Variants in IL3RA observed in about 807,000 individuals in gnomAD.
The protein encoded by IL3RA is interleukin-3 receptor subunit alpha.
IL3RA carries 73 observed loss-of-function variants against 52.3 expected under a neutral mutation model. The observed-to-expected ratio is 1.40, with a 90% CI of 1.16 to 1.70. The LOEUF (loss-of-function observed/expected upper bound fraction) is 1.70, where lower values mean the gene tolerates loss of function less well. Among genes scored for constraint, IL3RA ranks in the 40% most tolerant of loss-of-function variants. The pLI is 0.00. For missense variants in IL3RA, 664 were observed against 504.4 expected (o/e 1.32, Z -3.03); for synonymous variants, 260 against 194.0 (o/e 1.34, Z -2.83).
chrX:1,377,310 G>A (rs1358847963), intron 9 of IL3RA, among the ~76,000 whole-genome samples: 1 of 151,950 alleles, frequency 6.6e-6, no homozygotes, highest in Non-Finnish European at 1.5e-5. Flanking sequence ...GCGTGATCTT[G>A]GCTCACTGCA....
At chrX:1,380,964 C>G in intron 10 of IL3RA, 59 bp from the exon 11 acceptor site, 1 of 1,405,872 alleles carries the variant, frequency 7.1e-7, no homozygotes, top group African/African-American at 1.4e-5. Context: ...ACGCTGTGTC[C>G]CAGATGATGA....
At chrX:1,380,333 C>G (rs1239851433) in intron 10 of IL3RA, among the ~76,000 whole-genome samples, 1 of 139,964 alleles carries the variant, frequency 7.1e-6, no homozygotes, top group East Asian at 2.1e-4. Flanking sequence ...CAGCCAGGCC[C>G]TGTTTCCTTC....
At chrX:1,377,728 C>G (rs75322753) in intron 9 of IL3RA, among the ~76,000 whole-genome samples, 20,036 of 146,966 alleles carry the variant, frequency 0.14, 1,610 homozygotes, top group Middle Eastern at 0.26. Context: ...GGCAGTGGCG[C>G]GATCACGGCT....
intron 3 of IL3RA, 39 bp from the exon 4 acceptor site, chrX:1,348,392 G>T: frequency 1.4e-6 from 2 of 1,454,258 alleles, no homozygotes; most frequent in Non-Finnish European, 1.9e-6. Context: ...AATTAAGCAT[G>T]GTCTGTCAGC....
chrX:1,358,726 C>T (rs1396024065), intron 7 of IL3RA, 135 bp from the exon 8 acceptor site: 19 of 726,808 alleles, frequency 2.6e-5, no homozygotes, highest in Middle Eastern at 3.3e-4. Context: ...ATTTTGCCCC[C>T]ACTGCTGCCC....
intron 10 of IL3RA, among the ~76,000 whole-genome samples, chrX:1,379,567 C>T (rs1439102309): frequency 6.6e-6 from 1 of 152,192 alleles, no homozygotes; most frequent in Non-Finnish European, 1.5e-5. Context: ...AAGGGTGTCC[C>T]CAGGGTGGAG....
At chrX:1,368,184 G>A (rs17884365) in intron 9 of IL3RA, among the ~76,000 whole-genome samples, 1,607 of 150,928 alleles carry the variant, frequency 0.011, 28 homozygotes, top group African/African-American at 0.036. Flanking sequence ...GCGTGAACCC[G>A]GGAGGCGGAG....
At chrX:1,358,931 G>C (rs1216675914) in intron 8 of IL3RA, 44 bp downstream of exon 8, 2 of 1,515,968 alleles carry the variant, frequency 1.3e-6, no homozygotes, top group African/African-American at 2.8e-5. Flanking sequence ...ACATTGCAAA[G>C]GGTGAGTTTT....
intron 9 of IL3RA, among the ~76,000 whole-genome samples, chrX:1,378,362 C>T (rs2088944637): frequency 6.6e-6 from 1 of 152,142 alleles, no homozygotes; most frequent in Non-Finnish European, 1.5e-5. Flanking sequence ...CTGGCGCTCC[C>T]CGTGTCCCGA....
At chrX:1,356,458 G>T in intron 7 of IL3RA, 122 bp downstream of exon 7, 7 of 653,322 alleles carry the variant, frequency 1.1e-5, no homozygotes. Context: ...AGAAGGCATG[G>T]ATCATTAAAA....
rs780928888 is a variant in IL3RA at position 1,352,429 on chromosome X, C to G, written c.539C>G (p.Ser180Cys). Residue 180 changes from serine to cysteine, a missense_variant, in exon 6 of 12, where the codon TCC becomes TGC. Coordinates refer to ENST00000331035, the MANE Select transcript of IL3RA (RefSeq NM_002183.4). ...CGACTCTCCAGCGGTTCTCAAAGTT[C>G]CCACATCCTGGTGCGGGGCAGGAGC... The part of the protein sequence containing the change: ...ISRLSSGSQS[S>C]HILVRGRSAA... The G allele has an allele frequency of 6.2e-7, 1 of 1,613,864 alleles. No homozygotes were observed. The highest frequency in any genetic ancestry group is 2.2e-5 in the East Asian group (1 of 44,886).
At chrX:1,362,424 CCT>C (rs1250609046) in intron 8 of IL3RA, among the ~76,000 whole-genome samples, 3 of 151,312 alleles carry the variant, frequency 2.0e-5, no homozygotes, top group Non-Finnish European at 4.4e-5. Context: ...CCTCTGTCTC[CCT>C]TCTCTGTGTC....
intron 4 of IL3RA, among the ~76,000 whole-genome samples, chrX:1,351,277 G>A (rs2086070728): frequency 6.6e-6 from 1 of 152,138 alleles, no homozygotes; most frequent in Non-Finnish European, 1.5e-5. Context: ...ACAACGGCTT[G>A]TGTATCTACC....
At chrX:1,367,490 G>A (rs1367135874) in intron 9 of IL3RA, among the ~76,000 whole-genome samples, 18 of 78,622 alleles carry the variant, frequency 2.3e-4, no homozygotes, top group South Asian at 5.0e-4. Context: ...TGCGCGGGGT[G>A]AGCCGGGTGC....
chrX:1,348,085 G>A (rs1251416000), intron 3 of IL3RA, among the ~76,000 whole-genome samples: 3 of 148,126 alleles, frequency 2.0e-5, no homozygotes, highest in Admixed American at 6.8e-5. Context: ...GGTGGCTCAC[G>A]CCTGTAATCC....
chrX:1,367,958 G>A (rs2088290466), intron 9 of IL3RA, among the ~76,000 whole-genome samples: 1 of 152,050 alleles, frequency 6.6e-6, no homozygotes, highest in African/African-American at 2.4e-5. Context: ...TTACTCACGA[G>A]AGGAGACGTG....
intron 11 of IL3RA, among the ~76,000 whole-genome samples, chrX:1,382,052 A>G (rs1424006944): frequency 9.9e-5 from 15 of 151,296 alleles, no homozygotes; most frequent in African/African-American, 3.6e-4. Flanking sequence ...TGAAGGTTCA[A>G]GCGATTCTCC....
At chrX:1,344,020 A>G (rs1424293422) in intron 2 of IL3RA, among the ~76,000 whole-genome samples, 1 of 151,750 alleles carries the variant, frequency 6.6e-6, no homozygotes, top group South Asian at 2.1e-4. Context: ...GGTCTTGATC[A>G]CTTGACCTGG....
intron 4 of IL3RA, 114 bp downstream of exon 4, chrX:1,348,659 TTTC>T (rs1429899668): frequency 6.9e-6 from 3 of 435,486 alleles, no homozygotes; most frequent in Admixed American, 4.7e-5. Context: ...TCTTTCTTTC[TTTC>T]TTTCTTTCTT....
Sources: allele counts gnomAD v4.1 joint callset (sites outside exome capture counted in the v4.1 genomes callset), GRCh38; gene constraint gnomAD v4.1.1; transcripts MANE v1.5; gene names NCBI Gene and HGNC (gene_info 2026-07-23, HGNC 2026-07-21).